Variants in SAMD7 observed in about 807,000 individuals in gnomAD.
SAMD7 encodes sterile alpha motif domain-containing protein 7.
A neutral mutation model predicts 36.7 loss-of-function variants in SAMD7; 34 were observed. The observed-to-expected ratio is 0.93, with a 90% CI of 0.71 to 1.23. The LOEUF is 1.23. SAMD7 is among the 50% of genes most tolerant of loss of function. The pLI is 0.00. For missense variants in SAMD7, 570 were observed against 546.6 expected, an observed-to-expected ratio of 1.04 and a Z score of -0.43; for synonymous variants, 188 against 189.7, an observed-to-expected ratio of 0.99 and a Z score of 0.07.
At chr3:169,937,478 A>G (rs1167948673) in intron 8 of SAMD7, among the ~76,000 whole-genome samples, 1 of 151,952 alleles carries the variant, frequency 6.6e-6, no homozygotes, top group East Asian at 1.9e-4. Context: ...CTCATTATTC[A>G]GCTCCCACTT....
Position 169,926,682 on chromosome 3 carries a change from T to C in SAMD7, c.420T>C (p.His140=), listed in dbSNP as rs764511586. The C allele has an allele frequency of 7.4e-6, 12 of 1,613,854 alleles. No individual in the cohort carries two copies. The highest frequency in any genetic ancestry group is 1.0e-5 in the Non-Finnish European group (12 of 1,180,000). The change falls in exon 6 of 9, where the codon CAT becomes CAC. Residue 140 remains histidine, a synonymous_variant. Transcript: ENST00000335556. ...SSVPAAPAAY[H]GRSMLPAGDL... ...TCCCAGCTGCCCCCGCTGCCTACCA[T>C]GGCAGGAGCATGCTCCCTGCCGGTG...
intron 1 of SAMD7, among the ~76,000 whole-genome samples, chr3:169,913,599 G>A (rs765261257): frequency 6.6e-6 from 1 of 152,154 alleles, no homozygotes; most frequent in Non-Finnish European, 1.5e-5. Context: ...AGAGCTCTGG[G>A]TCAGAGAAAT....
rs772382791 is a variant in SAMD7, at chr3:169,927,210, C to T, written c.919+29C>T. On this transcript the variant is annotated intron_variant, in intron 6 of 8. Transcript: ENST00000335556. ...GGTGTCCAGGGGCCAATGGCAGATCCTCATTAACTACAGGTTGCCAAGTCC... is the reference window on the plus strand; with the variant it reads ...GGTGTCCAGGGGCCAATGGCAGATCTTCATTAACTACAGGTTGCCAAGTCC... 9 of 1,503,662 alleles carry T rather than the reference C, an allele frequency of 6.0e-6. No homozygotes were observed. In the South Asian group the frequency reaches 9.9e-5, roughly 16 times the overall value. 93.1% of individuals were successfully genotyped at this position (1,503,662 alleles called of 1,614,324 possible).
At position 169,936,364 on chromosome 3, in the gene SAMD7, G is replaced by C; in HGVS notation, c.1067G>C (p.Gly356Ala). 1 of 1,610,898 alleles carries C rather than the reference G, an allele frequency of 6.2e-7. No individual in the cohort carries two copies. The highest frequency in any genetic ancestry group is 8.5e-7 in the Non-Finnish European group (1 of 1,177,224). ...GTATTTAAAGATCATGCAATTGATG[G>C]AGAAACTTTGCCATTACTCACAGAA... ...AQVFKDHAID[G>A]ETLPLLTEEH... Residue 356 changes from glycine (G) to alanine (A), a missense_variant, in exon 8 of 9, where the codon GGA becomes GCA. Physicochemically the swap from Gly to Ala is moderately conservative, Grantham distance 60 (BLOSUM62 0). Coordinates refer to ENST00000335556, the MANE Select transcript of SAMD7 (RefSeq NM_001304366.2).
intron 1 of SAMD7, among the ~76,000 whole-genome samples, chr3:169,912,218 A>G (rs1712626449): frequency 6.6e-6 from 1 of 152,164 alleles, no homozygotes; most frequent in African/African-American, 2.4e-5. Flanking sequence ...TATTATTTTA[A>G]TGGCCCCCCA....
At chr3:169,918,317 TATTC>T (rs1462872456) in intron 2 of SAMD7, among the ~76,000 whole-genome samples, 2 of 152,204 alleles carry the variant, frequency 1.3e-5, no homozygotes, top group African/African-American at 4.8e-5. Context: ...TACTAGATCT[TATTC>T]ATTCTATCTA....
intron 5 of SAMD7, 131 bp downstream of exon 5, chr3:169,925,267 A>T: frequency 1.7e-6 from 1 of 572,218 alleles, no homozygotes; most frequent in Non-Finnish European, 3.0e-6. Context: ...AATTACTTAC[A>T]TAAAGTATTT....
chr3:169,919,669 T>C, intron 3 of SAMD7, 85 bp downstream of exon 3: 1 of 1,094,218 alleles, frequency 9.1e-7, no homozygotes. Context: ...CTAGTGTTGT[T>C]TTATTGCCTA....
At chr3:169,914,947 C>T (rs1467866886) in intron 1 of SAMD7, among the ~76,000 whole-genome samples, 1 of 152,148 alleles carries the variant, frequency 6.6e-6, no homozygotes, top group Non-Finnish European at 1.5e-5. Context: ...TGCTGCCCTA[C>T]CTTACATCTT....
chr3:169,930,578 CTTT>C (rs772549629), intron 7 of SAMD7, among the ~76,000 whole-genome samples: 2 of 101,718 alleles, frequency 2.0e-5, no homozygotes, highest in African/African-American at 4.1e-5. Flanking sequence ...CCTTTCTTTT[CTTT>C]TTTTTTTTTT....
Position 169,916,112 on chromosome 3 carries a change from T to C in SAMD7, c.-42+671T>C, listed in dbSNP as rs926083939. Reference sequence around the variant, plus strand: ...ATGAAATTTACCTTCTTAACACATTTTGACATGCACAATGGACGAACCTGA... The same window carrying C: ...ATGAAATTTACCTTCTTAACACATTCTGACATGCACAATGGACGAACCTGA... On this transcript the variant is annotated intron_variant, in intron 2 of 8. Coordinates refer to ENST00000335556, the MANE Select transcript of SAMD7 (RefSeq NM_001304366.2). 2.0e-5 allele frequency among the ~76,000 whole-genome samples: 3 copies of C among 152,180 alleles called. No individual in the cohort carries two copies. The South Asian group carries it at 6.2e-4, about 31-fold the overall frequency.
At chr3:169,936,210 T>A (rs938490701) in intron 7 of SAMD7, 129 bp from the exon 8 acceptor site, 1 of 606,684 alleles carries the variant, frequency 1.6e-6, no homozygotes, top group Non-Finnish European at 3.0e-6. Context: ...TAAAAAAAGG[T>A]TTTACAAATT....
At chr3:169,926,378 C>T (rs1029669114) in intron 5 of SAMD7, 175 bp from the exon 6 acceptor site, 2 of 1,186,788 alleles carry the variant, frequency 1.7e-6, no homozygotes, top group African/African-American at 3.1e-5. Flanking sequence ...TCAGACAAAG[C>T]TTCAGATCTT....
chr3:169,937,523 C>G (rs1713763793), intron 8 of SAMD7, among the ~76,000 whole-genome samples: 1 of 152,124 alleles, frequency 6.6e-6, no homozygotes, highest in South Asian at 2.1e-4. Context: ...GTTTTCTGTT[C>G]CTGCATTAGT....
intron 2 of SAMD7, among the ~76,000 whole-genome samples, chr3:169,916,507 G>A (rs1409817137): frequency 6.6e-6 from 1 of 152,132 alleles, no homozygotes; most frequent in Non-Finnish European, 1.5e-5. Context: ...AATTAGCCGA[G>A]CGTGGTGGTG....
intron 4 of SAMD7, among the ~76,000 whole-genome samples, chr3:169,922,197 G>A (rs1239632338): frequency 6.6e-6 from 1 of 152,194 alleles, no homozygotes; most frequent in Non-Finnish European, 1.5e-5. Flanking sequence ...AGTGCAGGGA[G>A]AACGTCTGAG....
Position 169,928,547 on chromosome 3 carries a change from G to A in SAMD7, c.1010G>A (p.Arg337His), listed in dbSNP as rs778795717. The change falls in exon 7 of 9, where the codon CGC (arginine) becomes CAC (histidine). Residue 337 changes from arginine to histidine, a missense_variant. Transcript: ENST00000335556. ...GTGGATGATGTGCACAGCTTCATTCGCAGCCTTCCAGGTTGTTCAGACTAT... is the reference window on the plus strand; with the variant it reads ...GTGGATGATGTGCACAGCTTCATTCACAGCCTTCCAGGTTGTTCAGACTAT... ...WTVDDVHSFI[R>H]SLPGCSDYAQ... is the part of the protein sequence containing the mutation. 3.7e-5 allele frequency: 59 copies of A among 1,613,628 alleles called. No homozygotes were observed. The highest frequency in any genetic ancestry group is 2.3e-4 in the Admixed American group (14 of 59,980).
At chr3:169,937,589 C>T (rs1279866175) in intron 8 of SAMD7, among the ~76,000 whole-genome samples, 2 of 152,134 alleles carry the variant, frequency 1.3e-5, no homozygotes, top group South Asian at 2.1e-4. Flanking sequence ...GACATGATCT[C>T]GTTCCTTTTT....
chr3:169,936,118 T>C (rs1713706367), intron 7 of SAMD7, among the ~76,000 whole-genome samples: 1 of 152,216 alleles, frequency 6.6e-6, no homozygotes, highest in Non-Finnish European at 1.5e-5. Context: ...AATTGAGTTC[T>C]ATAAACAGAG....
Sources: gnomAD v4.1 joint callset for allele counts (sites outside exome capture counted in the v4.1 genomes callset) on GRCh38, gnomAD v4.1.1 for gene constraint, MANE v1.5 for transcripts, NCBI Gene and HGNC (gene_info 2026-07-23, HGNC 2026-07-21) for gene names.